The following KCTD16 variants were observed in gnomAD, a reference collection of about 807,000 sequenced individuals.
KCTD16 encodes the protein BTB/POZ domain-containing protein KCTD16.
A neutral mutation model predicts 33.2 loss-of-function variants in KCTD16; 13 were observed. The ratio of observed to expected loss-of-function variants is 0.39; its 90% confidence interval spans 0.25 to 0.62. KCTD16 has a LOEUF of 0.62. Ranked by LOEUF, KCTD16 falls within the 20% of genes least tolerant of loss-of-function variation. The pLI is 0.50. For missense variants in KCTD16, 441 were observed against 525.1 expected (o/e 0.84, Z 1.57); for synonymous variants, 197 against 195.3 (o/e 1.01, Z -0.07).
chr5:144,254,645 A>G (rs551083894), intron 3 of KCTD16, among the ~76,000 whole-genome samples: 6 of 152,264 alleles, frequency 3.9e-5, no homozygotes, highest in African/African-American at 1.2e-4. Flanking sequence ...GTGAAACTTT[A>G]TGCTCATTGG....
intron 3 of KCTD16, among the ~76,000 whole-genome samples, chr5:144,416,893 C>CT (rs1006557715): frequency 6.6e-6 from 1 of 152,048 alleles, no homozygotes; most frequent in Admixed American, 6.6e-5. Flanking sequence ...GTGTGTGTGG[C>CT]TTTTTTCCCC....
chr5:144,260,146 G>C, intron 3 of KCTD16, among the ~76,000 whole-genome samples: 1 of 152,192 alleles, frequency 6.6e-6, no homozygotes, highest in East Asian at 1.9e-4. Context: ...CATGCAGTTC[G>C]TGTATGAGCA....
At chr5:144,228,210 T>C (rs1753992869) in intron 3 of KCTD16, among the ~76,000 whole-genome samples, 1 of 152,092 alleles carries the variant, frequency 6.6e-6, no homozygotes, top group Non-Finnish European at 1.5e-5. Context: ...TGTTAAGACC[T>C]GGGAGTTGAA....
intron 3 of KCTD16, among the ~76,000 whole-genome samples, chr5:144,290,757 T>TA (rs1172255414): frequency 6.6e-6 from 1 of 152,210 alleles, no homozygotes; most frequent in Non-Finnish European, 1.5e-5. Flanking sequence ...GGGTAGTTTT[T>TA]ACCTTTCATA....
chr5:144,321,465 G>T (rs1011681969), intron 3 of KCTD16, among the ~76,000 whole-genome samples: 1 of 152,230 alleles, frequency 6.6e-6, no homozygotes, highest in African/African-American at 2.4e-5. Context: ...AGAAATTGAG[G>T]CATGATACAG....
intron 3 of KCTD16, among the ~76,000 whole-genome samples, chr5:144,280,704 C>A (rs951191834): frequency 1.2e-4 from 19 of 152,172 alleles, no homozygotes; most frequent in Admixed American, 6.5e-5. Flanking sequence ...GCGGGCGGAT[C>A]ACGAGGTCAG....
intron 3 of KCTD16, among the ~76,000 whole-genome samples, chr5:144,330,354 G>A (rs548945462): frequency 7.4e-5 from 11 of 149,280 alleles, no homozygotes; most frequent in African/African-American, 2.5e-4. Context: ...CAGAGGTTGC[G>A]GTGAGCCGAG....
intron 3 of KCTD16, among the ~76,000 whole-genome samples, chr5:144,215,245 T>C (rs1450854872): frequency 6.6e-6 from 1 of 152,142 alleles, no homozygotes; most frequent in Non-Finnish European, 1.5e-5. Flanking sequence ...CTCCTTTTAG[T>C]TGGTTCATCC....
chr5:144,482,788 T>C lies in KCTD16; in HGVS notation c.*8674T>C, dbSNP rs1754730611. ...ACATATGTGTGTACATCTATCTTAA[T>C]GTGTATATATAAATATATATCTATA... On this transcript the variant is annotated 3_prime_UTR_variant, in exon 4 of 4. Coordinates refer to ENST00000512467, the MANE Select transcript of KCTD16 (RefSeq NM_020768.4). 6.6e-6 allele frequency: 1 copy of C among 151,826 alleles called. No homozygotes were observed. Among genetic ancestry groups the C allele is most frequent in the South Asian group, 2.1e-4 (1 of 4,824 alleles). The allele number at this position is 151,826 out of a possible 1,614,324, so 9.4% of individuals were successfully genotyped here.
chr5:144,210,078 G>A (rs1222573656), intron 3 of KCTD16, among the ~76,000 whole-genome samples: 1 of 151,790 alleles, frequency 6.6e-6, no homozygotes, highest in Non-Finnish European at 1.5e-5. Flanking sequence ...TAATCATGGG[G>A]AGAGACTTCT....
intron 3 of KCTD16, among the ~76,000 whole-genome samples, chr5:144,299,070 ATATTTTTGTATATATATATCACTATG>A (rs1756132061): frequency 1.4e-5 from 1 of 73,006 alleles, no homozygotes; most frequent in Non-Finnish European, 2.5e-5. Flanking sequence ...ATATATATAT[ATATTTTTGTATATATATATCACTATG>A]TATATATATA....
At chr5:144,257,076 T>G (rs544944289) in intron 3 of KCTD16, among the ~76,000 whole-genome samples, 11 of 152,242 alleles carry the variant, frequency 7.2e-5, no homozygotes, top group Non-Finnish European at 1.3e-4. Context: ...TCTCACTTTT[T>G]CTACTTTATA....
At chr5:144,215,600 T>C (rs766412168) in intron 3 of KCTD16, among the ~76,000 whole-genome samples, 2 of 152,224 alleles carry the variant, frequency 1.3e-5, no homozygotes, top group Non-Finnish European at 1.5e-5. Context: ...TGCCTCAGTT[T>C]CCTCAACTGT....
chr5:144,324,254 G>A (rs892695498), intron 3 of KCTD16, among the ~76,000 whole-genome samples: 2 of 152,116 alleles, frequency 1.3e-5, no homozygotes, highest in Admixed American at 6.6e-5. Context: ...CAATGTGCAT[G>A]TTTAATTTCT....
intron 3 of KCTD16, among the ~76,000 whole-genome samples, chr5:144,386,975 C>T (rs1350848300): frequency 6.6e-6 from 1 of 151,120 alleles, no homozygotes; most frequent in Non-Finnish European, 1.5e-5. Context: ...AATTACAAAG[C>T]ACTTTTTTTT....
intron 2 of KCTD16, among the ~76,000 whole-genome samples, chr5:144,194,726 G>T (rs1752909285): frequency 6.6e-6 from 1 of 152,146 alleles, no homozygotes; most frequent in African/African-American, 2.4e-5. Flanking sequence ...CTGTGGCTCA[G>T]ATGTATGTAA....
intron 3 of KCTD16, among the ~76,000 whole-genome samples, chr5:144,374,183 A>G (rs1050837621): frequency 2.0e-5 from 3 of 152,218 alleles, no homozygotes; most frequent in African/African-American, 7.2e-5. Context: ...TGTGGGGGCC[A>G]TTATTCGGCC....
chr5:144,333,901 C>G (rs919984047), intron 3 of KCTD16, among the ~76,000 whole-genome samples: 2 of 152,134 alleles, frequency 1.3e-5, no homozygotes, highest in South Asian at 2.1e-4. Flanking sequence ...TCTTTTCCCT[C>G]CATCTTTTCT....
chr5:144,321,063 C>G (rs1334600534), intron 3 of KCTD16, among the ~76,000 whole-genome samples: 2 of 152,242 alleles, frequency 1.3e-5, no homozygotes, highest in Admixed American at 1.3e-4. Flanking sequence ...CTATGTTGGT[C>G]AGGCTGGTCT....
Sources: allele counts gnomAD v4.1 joint callset (sites outside exome capture counted in the v4.1 genomes callset), GRCh38; gene constraint gnomAD v4.1.1; transcripts MANE v1.5; gene names NCBI Gene and HGNC (gene_info 2026-07-23, HGNC 2026-07-21).